Variants in PPP3CB observed in about 807,000 individuals in gnomAD.
PPP3CB encodes the protein protein phosphatase 3 catalytic subunit beta.
A neutral mutation model predicts 66.4 loss-of-function variants in PPP3CB; 8 were observed. The observed-to-expected ratio is 0.12, with a 90% CI of 0.07 to 0.22. The LOEUF (loss-of-function observed/expected upper bound fraction) is 0.22. Ranked by LOEUF, PPP3CB falls within the 10% of genes least tolerant of loss-of-function variation. The pLI, the probability that PPP3CB is intolerant of heterozygous loss-of-function variation, is 1.00. For synonymous variants in PPP3CB, 208 were observed against 221.2 expected, an observed-to-expected ratio of 0.94 and a Z score of 0.53; for missense variants, 319 against 642.5, an observed-to-expected ratio of 0.50 and a Z score of 5.44.
chr10:73,470,115 C>G (rs148956970), intron 8 of PPP3CB, among the ~76,000 whole-genome samples: 73 of 151,734 alleles, frequency 4.8e-4, no homozygotes, highest in African/African-American at 1.7e-3. Context: ...ATCTCTGGAA[C>G]GGAAGGCAAA....
chr10:73,468,418 G>A (rs950388989), intron 8 of PPP3CB, among the ~76,000 whole-genome samples: 2 of 152,070 alleles, frequency 1.3e-5, no homozygotes, highest in Non-Finnish European at 2.9e-5. Context: ...TAGAACACTG[G>A]GTTAGAAGGG....
intron 1 of PPP3CB, among the ~76,000 whole-genome samples, chr10:73,481,077 TAAAG>T (rs963380374): frequency 2.0e-5 from 3 of 151,772 alleles, no homozygotes; most frequent in South Asian, 2.1e-4. Context: ...TTTTTCAAAA[TAAAG>T]AAAGTGAGAG....
chr10:73,482,337 T>C (rs1454402691), intron 1 of PPP3CB, among the ~76,000 whole-genome samples: 2 of 151,716 alleles, frequency 1.3e-5, no homozygotes, highest in East Asian at 3.9e-4. Context: ...GAGGTCAAGA[T>C]TTTAAGACCA....
At chr10:73,470,307 A>T (rs2132924234) in intron 8 of PPP3CB, among the ~76,000 whole-genome samples, 1 of 152,302 alleles carries the variant, frequency 6.6e-6, no homozygotes, top group Admixed American at 6.5e-5. Context: ...GAAACATGAT[A>T]AACTAAACAA....
intron 4 of PPP3CB, 46 bp from the exon 5 acceptor site, chr10:73,471,659 T>C (rs953580288): frequency 2.1e-6 from 3 of 1,437,308 alleles, no homozygotes; most frequent in Non-Finnish European, 2.8e-6. Flanking sequence ...CTGGTGGTGG[T>C]GTGACCATTT....
chr10:73,446,633 T>C (rs965497070), intron 10 of PPP3CB, 60 bp from the exon 11 acceptor site: 9 of 1,469,894 alleles, frequency 6.1e-6, no homozygotes, highest in African/African-American at 4.2e-5. Context: ...ATGCTTACAA[T>C]ATTCTATTAG....
rs766513466 is a variant in PPP3CB, at chr10:73,446,533, A to T, written c.1227T>A (p.Ile409=). ...AARKEIIRNK[I]RAIGKMARVF... ...CTCTTGCCATCTTGCCAATTGCTCG[A>T]ATTTTGTTTCTTATGATTTCTTTCC... Residue 409 remains isoleucine (I), a synonymous_variant, in exon 11 of 14, where the codon ATT becomes ATA. Coordinates refer to ENST00000360663, the MANE Select transcript of PPP3CB (RefSeq NM_021132.4). The T allele has an allele frequency of 6.2e-7, 1 of 1,613,916 alleles. No homozygotes were observed. Among genetic ancestry groups the T allele is most frequent in the Non-Finnish European group, 8.5e-7 (1 of 1,179,828 alleles).
chr10:73,490,638 T>C (rs1589722163), intron 1 of PPP3CB, among the ~76,000 whole-genome samples: 1 of 152,230 alleles, frequency 6.6e-6, no homozygotes, highest in South Asian at 2.1e-4. Flanking sequence ...ATTCATTCAA[T>C]AGCTCTGGAA....
intron 9 of PPP3CB, among the ~76,000 whole-genome samples, chr10:73,459,287 G>C (rs1393406009): frequency 6.6e-6 from 1 of 152,164 alleles, no homozygotes; most frequent in Non-Finnish European, 1.5e-5. Context: ...AGGAGATTGA[G>C]ATCATCCTGG....
chr10:73,493,028 C>T (rs975009084), intron 1 of PPP3CB, among the ~76,000 whole-genome samples: 1 of 152,132 alleles, frequency 6.6e-6, no homozygotes, highest in African/African-American at 2.4e-5. Context: ...GTAATCCCAA[C>T]ACTTTGGGAG....
chr10:73,483,492 T>TA (rs1446037992), intron 1 of PPP3CB, among the ~76,000 whole-genome samples: 1 of 151,826 alleles, frequency 6.6e-6, no homozygotes, highest in African/African-American at 2.4e-5. Context: ...CCGTCTCTAC[T>TA]AAAAACACAA....
At chr10:73,477,467 A>G (rs1383320893) in intron 3 of PPP3CB, among the ~76,000 whole-genome samples, 1 of 152,226 alleles carries the variant, frequency 6.6e-6, no homozygotes, top group African/African-American at 2.4e-5. Flanking sequence ...CTACGAGTTT[A>G]TATTTACTGA....
At chr10:73,480,593 C>T (rs1436006715) in intron 1 of PPP3CB, among the ~76,000 whole-genome samples, 8 of 151,966 alleles carry the variant, frequency 5.3e-5, no homozygotes, top group Admixed American at 3.9e-4. Flanking sequence ...TACAGGCATC[C>T]GCCATCATGC....
chr10:73,493,230 C>A (rs535075213), intron 1 of PPP3CB, among the ~76,000 whole-genome samples: 1 of 149,932 alleles, frequency 6.7e-6, no homozygotes, highest in Non-Finnish European at 1.5e-5. Context: ...GAGTAGAGAT[C>A]GCGCCACTGC....
At chr10:73,443,330 A>AAGAAAGAAAGAAAGAAAG (rs1458015567) in intron 12 of PPP3CB, among the ~76,000 whole-genome samples, 1 of 138,008 alleles carries the variant, frequency 7.2e-6, no homozygotes, top group African/African-American at 2.7e-5. Flanking sequence ...GAAAGAAAGA[A>AAGAAAGAAAGAAAGAAAG]AAAGAAAGAG....
rs2056078757 is a variant in PPP3CB at position 73,436,819 on chromosome 10, C to A, written c.*1423G>T. The A allele has an allele frequency of 6.6e-6, 1 of 152,168 alleles. No homozygotes were observed. Among genetic ancestry groups the A allele is most frequent in the Non-Finnish European group, 1.5e-5 (1 of 68,040 alleles). 9.4% of individuals were successfully genotyped at this position (152,168 alleles called of 1,614,324 possible). A position where few individuals can be genotyped will look rare whatever the true frequency, so the allele number is the denominator to read the frequency against. On this transcript the variant is annotated 3_prime_UTR_variant, in exon 14 of 14. Coordinates refer to ENST00000360663, the MANE Select transcript of PPP3CB (RefSeq NM_021132.4). ...CAACACAGAGATAGGAGCAGCGGCCCATGCATGGAATTTATTGTGTGCTAC... is the reference window on the plus strand; with the variant it reads ...CAACACAGAGATAGGAGCAGCGGCCAATGCATGGAATTTATTGTGTGCTAC...
At chr10:73,478,691 A>G in intron 2 of PPP3CB, 68 bp from the exon 3 acceptor site, 1 of 1,388,224 alleles carries the variant, frequency 7.2e-7, no homozygotes, top group Non-Finnish European at 1.0e-6. Context: ...TTAAGTTAAA[A>G]CGTATTTTAC....
chr10:73,488,733 C>T (rs1342559217), intron 1 of PPP3CB, among the ~76,000 whole-genome samples: 1 of 151,986 alleles, frequency 6.6e-6, no homozygotes, highest in African/African-American at 2.4e-5. Context: ...TTTAAATATA[C>T]CTTTCCCTCA....
intron 12 of PPP3CB, among the ~76,000 whole-genome samples, chr10:73,443,322 AAG>A (rs1398364967): frequency 1.4e-5 from 2 of 147,616 alleles, no homozygotes; most frequent in African/African-American, 5.2e-5. Context: ...GAAAGAAAGA[AAG>A]AAAGAAAAAG....
Sources: allele counts gnomAD v4.1 joint callset (sites outside exome capture counted in the v4.1 genomes callset), GRCh38; gene constraint gnomAD v4.1.1; transcripts MANE v1.5; gene names NCBI Gene and HGNC (gene_info 2026-07-23, HGNC 2026-07-21).